The following KCNAB1 variants were observed in gnomAD, a reference collection of about 807,000 sequenced individuals.
The protein encoded by KCNAB1 is potassium voltage-gated channel subfamily A regulatory beta subunit 1.
A neutral mutation model predicts 64.6 loss-of-function variants in KCNAB1; 35 were observed. The ratio of observed to expected loss-of-function variants is 0.54; its 90% CI spans 0.41 to 0.72. The LOEUF is 0.72. Among genes scored for constraint, KCNAB1 ranks in the 30% least tolerant of loss-of-function variants. The pLI, the probability that KCNAB1 is intolerant of heterozygous loss-of-function variation, is 0.00. For synonymous variants in KCNAB1, 177 were observed against 183.8 expected (o/e 0.96, Z 0.30); for missense variants, 401 against 512.9 (o/e 0.78, Z 2.11).
chr3:156,195,110 T>C (rs1713829644), intron 1 of KCNAB1, among the ~76,000 whole-genome samples: 1 of 152,224 alleles, frequency 6.6e-6, no homozygotes, highest in Admixed American at 6.5e-5. Context: ...GCAAAAGATA[T>C]GACCTTATCC....
intron 1 of KCNAB1, among the ~76,000 whole-genome samples, chr3:156,207,692 A>G (rs1378854706): frequency 6.6e-6 from 1 of 152,206 alleles, no homozygotes; most frequent in Non-Finnish European, 1.5e-5. Context: ...AAAAATGACT[A>G]AAAAGACAAA....
At chr3:156,361,770 C>G (rs1291923516) in intron 1 of KCNAB1, among the ~76,000 whole-genome samples, 1 of 152,132 alleles carries the variant, frequency 6.6e-6, no homozygotes, top group Non-Finnish European at 1.5e-5. Context: ...GGGATCCTCC[C>G]ACTTCAGCCT....
At chr3:156,488,287 G>A (rs558749782) in intron 8 of KCNAB1, among the ~76,000 whole-genome samples, 1 of 129,542 alleles carries the variant, frequency 7.7e-6, no homozygotes, top group East Asian at 2.2e-4. Flanking sequence ...AGATGTTGAT[G>A]GGTGCTATAA....
At chr3:156,468,051 G>T (rs1345416696) in intron 7 of KCNAB1, among the ~76,000 whole-genome samples, 1 of 151,816 alleles carries the variant, frequency 6.6e-6, no homozygotes. Flanking sequence ...TTCACTTTTT[G>T]CTTGGTCATA....
intron 8 of KCNAB1, among the ~76,000 whole-genome samples, chr3:156,502,531 ACC>A (rs1491370357): frequency 3.8e-5 from 4 of 106,082 alleles, no homozygotes; most frequent in Non-Finnish European, 5.5e-5. Context: ...CTACCTTACA[ACC>A]ACACACACAC....
chr3:156,419,224 G>A lies in KCNAB1; in HGVS notation c.276-2392G>A, dbSNP rs73873360. On this transcript the variant is annotated intron_variant, in intron 1 of 13. Coordinates refer to ENST00000490337, the MANE Select transcript of KCNAB1 (RefSeq NM_172160.3). ...TTGTTAGAACAATCTCTGAACTAGC[G>A]GGGCACGGTGGCTCACGCCTGTAAT... is the stretch of plus-strand genomic sequence containing the variant. Among the ~76,000 whole-genome samples, 1,443 of 152,176 alleles carry A rather than the reference G, an allele frequency of 9.5e-3. 22 individuals carry two copies. Among genetic ancestry groups the A allele is most frequent in the African/African-American group, 0.031 (1,299 of 41,510 alleles).
At chr3:156,138,554 T>C (rs1188957295) in intron 1 of KCNAB1, among the ~76,000 whole-genome samples, 1 of 152,236 alleles carries the variant, frequency 6.6e-6, no homozygotes, top group African/African-American at 2.4e-5. Flanking sequence ...AGAACTAGGC[T>C]ATAAAGGTGT....
chr3:156,354,675 A>G (rs1323858912), intron 1 of KCNAB1, among the ~76,000 whole-genome samples: 1 of 150,892 alleles, frequency 6.6e-6, no homozygotes. Flanking sequence ...CTAATGGAGA[A>G]TTGGGATAAA....
intron 1 of KCNAB1, among the ~76,000 whole-genome samples, chr3:156,346,683 G>A (rs573930995): frequency 6.6e-6 from 1 of 152,266 alleles, no homozygotes; most frequent in Admixed American, 6.5e-5. Context: ...TGCATAAATT[G>A]TCTTATTCGT....
chr3:156,302,662 T>G (rs1488263268), intron 1 of KCNAB1, among the ~76,000 whole-genome samples: 2 of 152,206 alleles, frequency 1.3e-5, no homozygotes, highest in Non-Finnish European at 2.9e-5. Flanking sequence ...CCTTTGCAAT[T>G]ATTATTACAG....
intron 1 of KCNAB1, among the ~76,000 whole-genome samples, chr3:156,388,779 A>G (rs982271776): frequency 6.6e-6 from 1 of 152,212 alleles, no homozygotes; most frequent in African/African-American, 2.4e-5. Flanking sequence ...TCTCTGCAGC[A>G]TCTGTTCACC....
At chr3:156,301,556 A>G (rs1721154769) in intron 1 of KCNAB1, among the ~76,000 whole-genome samples, 1 of 152,200 alleles carries the variant, frequency 6.6e-6, no homozygotes, top group African/African-American at 2.4e-5. Context: ...CTGCTACTCT[A>G]AAGAGACCCA....
intron 1 of KCNAB1, chr3:156,176,557 G>A (rs1712383923): frequency 4.9e-6 from 4 of 813,992 alleles, no homozygotes; most frequent in Non-Finnish European, 8.9e-6. Context: ...CATCTGTGTT[G>A]TAATGCAGTT....
chr3:156,479,008 G>T (rs1453301115), intron 8 of KCNAB1, among the ~76,000 whole-genome samples: 1 of 152,172 alleles, frequency 6.6e-6, no homozygotes, highest in Non-Finnish European at 1.5e-5. Flanking sequence ...AGATGTTCCT[G>T]ACAATGGAGG....
chr3:156,205,425 A>T (rs1430664816), intron 1 of KCNAB1, among the ~76,000 whole-genome samples: 1 of 152,206 alleles, frequency 6.6e-6, no homozygotes, highest in Admixed American at 6.5e-5. Flanking sequence ...TGGAAGCTTC[A>T]GGTGTAATAG....
At chr3:156,318,980 A>G (rs1232944699) in intron 1 of KCNAB1, among the ~76,000 whole-genome samples, 1 of 152,264 alleles carries the variant, frequency 6.6e-6, no homozygotes, top group Non-Finnish European at 1.5e-5. Context: ...TTCCATTTAT[A>G]GCTTTTTCTT....
intron 1 of KCNAB1, among the ~76,000 whole-genome samples, chr3:156,276,149 G>A (rs1055938379): frequency 6.6e-6 from 1 of 152,084 alleles, no homozygotes; most frequent in Non-Finnish European, 1.5e-5. Flanking sequence ...TAATCCCCTT[G>A]TACATTTCTA....
intron 1 of KCNAB1, among the ~76,000 whole-genome samples, chr3:156,280,776 G>C (rs1039422483): frequency 3.3e-5 from 5 of 151,862 alleles, no homozygotes; most frequent in African/African-American, 1.2e-4. Context: ...GTCTGTTGTT[G>C]GTGTGTAAGA....
At chr3:156,157,812 C>G (rs1432113319) in intron 1 of KCNAB1, among the ~76,000 whole-genome samples, 1 of 152,024 alleles carries the variant, frequency 6.6e-6, no homozygotes, top group African/African-American at 2.4e-5. Context: ...CAAATATTAG[C>G]CGTTGCTATT....
Sources: allele counts gnomAD v4.1 joint callset (sites outside exome capture counted in the v4.1 genomes callset), GRCh38; gene constraint gnomAD v4.1.1; transcripts MANE v1.5; gene names NCBI Gene and HGNC (gene_info 2026-07-23, HGNC 2026-07-21).